Variants in RGS12 observed in about 807,000 individuals in gnomAD.
RGS12 encodes regulator of G protein signaling 12.
In RGS12, 66 loss-of-function variants were observed where a neutral mutation model predicts 120.1. The ratio of observed to expected loss-of-function variants is 0.55; its 90% CI spans 0.45 to 0.67. RGS12 has a LOEUF of 0.67. RGS12 is among the 30% of genes least tolerant of loss of function. RGS12 has a pLI of 0.00. For synonymous variants in RGS12, 827 were observed against 804.7 expected, an observed-to-expected ratio of 1.03 and a Z score of -0.47; for missense variants, 1,859 against 1,957.7, an observed-to-expected ratio of 0.95 and a Z score of 0.95.
chr4:3,421,194 G>T (rs1334091675), intron 10 of RGS12, among the ~76,000 whole-genome samples: 1 of 152,148 alleles, frequency 6.6e-6, no homozygotes, highest in African/African-American at 2.4e-5. Flanking sequence ...TGCTTGGCTG[G>T]TGCTCGTCCT....
intron 4 of RGS12, among the ~76,000 whole-genome samples, chr4:3,403,935 C>T (rs1720853291): frequency 6.6e-6 from 1 of 152,112 alleles, no homozygotes; most frequent in Admixed American, 6.6e-5. Flanking sequence ...AATTTCACAC[C>T]CCAGTATGAG....
chr4:3,413,563 G>T, intron 4 of RGS12: 1 of 153,968 alleles, frequency 6.5e-6, no homozygotes. Flanking sequence ...ACGCTCCCGA[G>T]GGCACCGTGG....
chr4:3,413,534 G>T (rs528365202), intron 4 of RGS12: 2 of 152,964 alleles, frequency 1.3e-5, no homozygotes, highest in Admixed American at 6.5e-5. Context: ...GGTGAGCCTC[G>T]TGCCCCCTTC....
intron 2 of RGS12, among the ~76,000 whole-genome samples, chr4:3,340,781 C>CCGGTG (rs1456715757): frequency 2.0e-5 from 3 of 152,052 alleles, no homozygotes; most frequent in South Asian, 2.1e-4. Context: ...CCGGTGCAGG[C>CCGGTG]CAGTGCAGTC....
Position 3,414,842 on chromosome 4 carries a change from G to GA in RGS12, c.2282dup (p.Leu762AlafsTer11). 6.2e-7 allele frequency: 1 copy of GA among 1,610,134 alleles called. No individual in the cohort carries two copies. The highest frequency in any genetic ancestry group is 8.5e-7 in the Non-Finnish European group (1 of 1,176,354). On this transcript the variant is annotated frameshift_variant and splice_region_variant, in exon 6 of 18. Coordinates refer to ENST00000336727, the MANE Select transcript of RGS12 (RefSeq NM_001394154.1). LOFTEE classifies it high-confidence loss of function. Reference sequence around the variant, plus strand: ...TCATGTTCCTGCACATGACAAAAAGGAGGTAAGTCCACGCTTGGGAAGTGG... The same window carrying GA: ...TCATGTTCCTGCACATGACAAAAAGGAAGGTAAGTCCACGCTTGGGAAGTGG...
rs1237697698 is a variant in RGS12, at chr4:3,428,667, T to C, written c.3521T>C (p.Ile1174Thr). ...AAGAGAGAAGAATCTATTGCAAAGA[T>C]TGGGAAAAAAAAATATCAGAAAATT... ...LSKREESIAKIGKKKYQKINL... is the reference protein window; with the variant it reads ...LSKREESIAKTGKKKYQKINL... The change falls in exon 16 of 18, where the codon ATT becomes ACT. Residue 1174 changes from isoleucine to threonine, a missense_variant. By Grantham distance (89) the Ile-to-Thr change is moderately conservative. Coordinates refer to ENST00000336727, the MANE Select transcript of RGS12 (RefSeq NM_001394154.1). The C allele has an allele frequency of 4.4e-6, 7 of 1,596,352 alleles. No homozygotes were observed. The highest frequency in any genetic ancestry group is 3.5e-5 in the South Asian group (3 of 86,816).
chr4:3,429,506 G>C (rs1277059037), intron 16 of RGS12, among the ~76,000 whole-genome samples: 1 of 152,194 alleles, frequency 6.6e-6, no homozygotes, highest in Non-Finnish European at 1.5e-5. Context: ...TTTGAAGCTT[G>C]TATGTTTCTG....
intron 2 of RGS12, among the ~76,000 whole-genome samples, chr4:3,339,930 T>C (rs1409572103): frequency 6.6e-6 from 1 of 152,264 alleles, no homozygotes; most frequent in Non-Finnish European, 1.5e-5. Flanking sequence ...ATTTTGATTC[T>C]GACAGCCTTA....
At chr4:3,404,110 G>A (rs1285615780) in intron 4 of RGS12, among the ~76,000 whole-genome samples, 3 of 152,194 alleles carry the variant, frequency 2.0e-5, no homozygotes, top group African/African-American at 7.2e-5. Flanking sequence ...TTAACAATGT[G>A]TTAGCCTTTG....
chr4:3,417,823 C>T (rs925007997), intron 9 of RGS12: 25 of 369,502 alleles, frequency 6.8e-5, no homozygotes, highest in African/African-American at 3.9e-4. Context: ...CACACAGTGG[C>T]GGCTGAACAT....
intron 6 of RGS12, among the ~76,000 whole-genome samples, chr4:3,415,120 C>A (rs1182300883): frequency 1.3e-5 from 1 of 79,162 alleles, no homozygotes; most frequent in African/African-American, 5.3e-5. Context: ...GTGAGAGGGC[C>A]GCGTGTGTGT....
intron 17 of RGS12, among the ~76,000 whole-genome samples, chr4:3,435,375 C>A (rs1724707519): frequency 2.0e-5 from 3 of 152,244 alleles, no homozygotes; most frequent in African/African-American, 7.2e-5. Flanking sequence ...CCGCCCTCCG[C>A]AGGAGCAGAT....
chr4:3,304,446 C>G (rs1005000293), intron 1 of RGS12, among the ~76,000 whole-genome samples: 1 of 152,104 alleles, frequency 6.6e-6, no homozygotes. Flanking sequence ...TGAGGGAGGC[C>G]GCTTTCTCCC....
At chr4:3,373,023 C>T (rs572028499) in intron 3 of RGS12, among the ~76,000 whole-genome samples, 229 of 152,278 alleles carry the variant, frequency 1.5e-3, no homozygotes, top group African/African-American at 5.1e-3. Flanking sequence ...GGCGTGGCTG[C>T]GGTCACACAG....
intron 1 of RGS12, among the ~76,000 whole-genome samples, chr4:3,296,223 G>A (rs1723373435): frequency 6.6e-6 from 1 of 152,262 alleles, no homozygotes; most frequent in African/African-American, 2.4e-5. Flanking sequence ...TCACTTTGTT[G>A]CCCAGGTGGA....
At position 3,390,430 on chromosome 4, in the gene RGS12, G is replaced by A. The variant is rs150716115; in HGVS notation, c.2020+3993G>A. 2.2e-3 allele frequency among the ~76,000 whole-genome samples: 335 copies of A among 152,362 alleles called. 2 individuals are homozygous for A. The highest frequency in any genetic ancestry group is 7.7e-3 in the African/African-American group (320 of 41,596). On this transcript the variant is annotated intron_variant, in intron 4 of 17. Coordinates refer to ENST00000336727, the MANE Select transcript of RGS12 (RefSeq NM_001394154.1). This position sits in a 1 kb window ranked among gnomAD's most constrained non-coding sequence, Gnocchi z 4.6. ...GTGTTCAGCAGACATCAGCCAGAGCGTCAGGGCGAGGCTTGGGCGGGGACA... is the reference window on the plus strand; with the variant it reads ...GTGTTCAGCAGACATCAGCCAGAGCATCAGGGCGAGGCTTGGGCGGGGACA...
In RGS12 at chr4:3,423,144, C is replaced by G. The variant is rs186104265; in HGVS notation, c.3107+166C>G. 2.2e-3 allele frequency among the ~76,000 whole-genome samples: 342 copies of G among 152,284 alleles called. 3 individuals carry two copies. The highest frequency in any genetic ancestry group is 7.9e-3 in the African/African-American group (329 of 41,566). On this transcript the variant is annotated intron_variant, in intron 12 of 17. Coordinates refer to ENST00000336727, the MANE Select transcript of RGS12 (RefSeq NM_001394154.1). Reference sequence around the variant, plus strand: ...GTGGAGGCCCACACGAGGCAGCCCCCCTACAAGCCCGGGGGTGAGAGGCGC... The same window carrying G: ...GTGGAGGCCCACACGAGGCAGCCCCGCTACAAGCCCGGGGGTGAGAGGCGC...
chr4:3,321,150 T>C (rs1339226586), intron 2 of RGS12, among the ~76,000 whole-genome samples: 2 of 152,080 alleles, frequency 1.3e-5, no homozygotes, highest in African/African-American at 4.8e-5. Flanking sequence ...ACAGAATCGT[T>C]AACAAAGGAA....
chr4:3,426,482 G>C (rs964125676), intron 14 of RGS12: 3 of 152,544 alleles, frequency 2.0e-5, no homozygotes, highest in African/African-American at 7.3e-5. Context: ...GTAGGCGCCT[G>C]TGCTCTGCCC....
Sources: allele counts gnomAD v4.1 joint callset (sites outside exome capture counted in the v4.1 genomes callset), GRCh38; gene constraint gnomAD v4.1.1; non-coding constraint Gnocchi (gnomAD v3.1); transcripts MANE v1.5; gene names NCBI Gene and HGNC (gene_info 2026-07-23, HGNC 2026-07-21).